CC2D2A: variants seen among roughly 807,000 people sequenced by gnomAD.
CC2D2A encodes the protein coiled-coil and C2 domain-containing protein 2A.
CC2D2A carries 155 observed loss-of-function variants against 212.9 expected under a neutral mutation model. The observed-to-expected ratio is 0.73, with a 90% confidence interval of 0.64 to 0.83. CC2D2A has a LOEUF of 0.83. CC2D2A is among the 40% of genes least tolerant of loss of function. CC2D2A has a pLI of 0.00. For missense variants in CC2D2A, 1,856 were observed against 1,956.2 expected (o/e 0.95, Z 0.97); for synonymous variants, 667 against 686.5 (o/e 0.97, Z 0.44).
intron 35 of CC2D2A, among the ~76,000 whole-genome samples, chr4:15,598,845 G>GT (rs1721444939): frequency 1.3e-5 from 2 of 152,122 alleles, no homozygotes; most frequent in Admixed American, 1.3e-4. Flanking sequence ...CTACCAATGA[G>GT]TATAGTCATA....
intron 22 of CC2D2A, among the ~76,000 whole-genome samples, 194 bp from the exon 23 acceptor site, chr4:15,560,337 A>C (rs1168151819): frequency 6.6e-6 from 1 of 152,168 alleles, no homozygotes; most frequent in Admixed American, 6.5e-5. Flanking sequence ...CCCTGACTTT[A>C]GGGAGCTTAC....
chr4:15,523,108 C>T lies in CC2D2A; in HGVS notation c.1150-4339C>T, dbSNP rs535519708. On this transcript the variant is annotated intron_variant, in intron 11 of 36. Coordinates refer to ENST00000424120, the MANE Select transcript of CC2D2A (RefSeq NM_001378615.1). Reference sequence around the variant, plus strand: ...TAACCTGGGTGACAAGAGCAAAACTCCATCTCAAAAAAAAAAAAAAAGTTG... The same window carrying T: ...TAACCTGGGTGACAAGAGCAAAACTTCATCTCAAAAAAAAAAAAAAAGTTG... 2.7e-5 allele frequency among the ~76,000 whole-genome samples: 4 copies of T among 147,182 alleles called. No homozygotes were observed. In the South Asian group the frequency reaches 8.6e-4, roughly 32 times the overall value.
rs1314498461 is a variant in CC2D2A at position 15,567,730 on chromosome 4, G to A, written c.3342G>A (p.Thr1114=). The A allele has an allele frequency of 3.7e-6, 6 of 1,605,282 alleles. No individual in the cohort carries two copies. Among genetic ancestry groups the A allele is most frequent in the Middle Eastern group, 1.6e-4 (1 of 6,062 alleles). ...EVSFQRTVCH[T]TTAEGPNPSW... ...CTTTTCAACGAACAGTTTGCCATAC[G>A]ACTACGGCTGAAGGACCAAACCCTA... Residue 1114 remains threonine (T), a synonymous_variant, in exon 26 of 37, where the codon ACG becomes ACA. Coordinates refer to ENST00000424120, the MANE Select transcript of CC2D2A (RefSeq NM_001378615.1).
chr4:15,520,504 A>T (rs922567935), intron 11 of CC2D2A, among the ~76,000 whole-genome samples: 2 of 152,250 alleles, frequency 1.3e-5, no homozygotes, highest in African/African-American at 4.8e-5. Flanking sequence ...ATTGTGGGTT[A>T]AAGTTAGAAA....
chr4:15,593,112 T>C (rs1251143264), intron 33 of CC2D2A, among the ~76,000 whole-genome samples: 1 of 152,234 alleles, frequency 6.6e-6, no homozygotes, highest in Admixed American at 6.5e-5. Context: ...GATACACGGA[T>C]ACCTGATTAA....
At chr4:15,517,992 C>T (rs1472383365) in intron 11 of CC2D2A, among the ~76,000 whole-genome samples, 1 of 152,132 alleles carries the variant, frequency 6.6e-6, no homozygotes, top group Admixed American at 6.5e-5. Flanking sequence ...CCCCATAATT[C>T]AATCACCTCC....
At chr4:15,547,922 C>T (rs1718794173) in intron 17 of CC2D2A, among the ~76,000 whole-genome samples, 1 of 151,854 alleles carries the variant, frequency 6.6e-6, no homozygotes, top group Admixed American at 6.6e-5. Flanking sequence ...GCCTGTAATC[C>T]CAGCTACTCA....
chr4:15,557,867 C>A (rs1166602100), intron 21 of CC2D2A, among the ~76,000 whole-genome samples: 1 of 152,158 alleles, frequency 6.6e-6, no homozygotes, highest in Non-Finnish European at 1.5e-5. Flanking sequence ...GAATTCAATT[C>A]CATTTTAATG....
At chr4:15,527,256 A>G (rs1244383729) in intron 11 of CC2D2A, among the ~76,000 whole-genome samples, 191 bp from the exon 12 acceptor site, 2 of 152,204 alleles carry the variant, frequency 1.3e-5, no homozygotes, top group Non-Finnish European at 2.9e-5. Flanking sequence ...CCAGTCTTTC[A>G]TTTTGCTGTT....
At chr4:15,600,541 C>G (rs1721542142) in intron 36 of CC2D2A, among the ~76,000 whole-genome samples, 1 of 152,094 alleles carries the variant, frequency 6.6e-6, no homozygotes, top group African/African-American at 2.4e-5. Context: ...ACAAGTTTCC[C>G]AAGATTCCCT....
chr4:15,575,379 A>G (rs1271145191), intron 29 of CC2D2A, among the ~76,000 whole-genome samples: 2 of 152,216 alleles, frequency 1.3e-5, no homozygotes, highest in African/African-American at 4.8e-5. Context: ...GCATATATTT[A>G]CTGCACATCT....
intron 11 of CC2D2A, among the ~76,000 whole-genome samples, chr4:15,520,586 T>C (rs16892107): frequency 0.17 from 25,189 of 152,160 alleles, 2,430 homozygotes; most frequent in East Asian, 0.35. Context: ...CTTTTGAAAT[T>C]CTAAACTAAT....
At chr4:15,515,393 A>G (rs767684617) in intron 9 of CC2D2A, among the ~76,000 whole-genome samples, 8 of 152,248 alleles carry the variant, frequency 5.3e-5, no homozygotes, top group Non-Finnish European at 1.0e-4. Context: ...CCGTGAATGA[A>G]TAAATGAGGT....
intron 11 of CC2D2A, among the ~76,000 whole-genome samples, chr4:15,521,731 C>T (rs1004666849): frequency 2.6e-5 from 4 of 152,192 alleles, no homozygotes; most frequent in African/African-American, 7.2e-5. Flanking sequence ...TCAATAAAAG[C>T]GCAAATTGAA....
intron 2 of CC2D2A, among the ~76,000 whole-genome samples, chr4:15,476,218 TG>T (rs1163877093): frequency 6.6e-6 from 1 of 152,226 alleles, no homozygotes. Context: ...ATCTATGGAC[TG>T]AAGATGGAAG....
rs67224550 is a variant in CC2D2A at position 15,560,719 on chromosome 4, C to T, written c.3014+97C>T. The T allele has an allele frequency of 0.14, 83,940 of 593,748 alleles. 6,414 individuals are homozygous for T. Among genetic ancestry groups the T allele is most frequent in the Non-Finnish European group, 0.15 (52,082 of 341,916 alleles). The allele number at this position is 593,748 out of a possible 1,614,324, so 36.8% of individuals were successfully genotyped here. On this transcript the variant is annotated intron_variant, in intron 23 of 36. Coordinates refer to ENST00000424120, the MANE Select transcript of CC2D2A (RefSeq NM_001378615.1). Reference sequence around the variant, plus strand: ...ATCATATAAGATTTTTAAAAATCATCGTATGGTATGCATTTGGGCCAGGAA... The same window carrying T: ...ATCATATAAGATTTTTAAAAATCATTGTATGGTATGCATTTGGGCCAGGAA...
At chr4:15,576,284 G>T (rs750994467) in intron 29 of CC2D2A, 24 of 550,420 alleles carry the variant, frequency 4.4e-5, no homozygotes, top group Non-Finnish European at 5.1e-5. Flanking sequence ...TGATTCACTT[G>T]CAGACAATTC....
intron 17 of CC2D2A, among the ~76,000 whole-genome samples, chr4:15,541,288 C>T (rs1325289617): frequency 3.9e-5 from 6 of 151,972 alleles, no homozygotes; most frequent in Non-Finnish European, 1.5e-5. Flanking sequence ...CACTGTACTC[C>T]AGCCTAGGCG....
At chr4:15,584,144 A>T (rs1467326708) in intron 30 of CC2D2A, among the ~76,000 whole-genome samples, 2 of 147,366 alleles carry the variant, frequency 1.4e-5, no homozygotes, top group African/African-American at 4.9e-5. Context: ...ACAGAAATAG[A>T]AAAAAAAAAT....
Sources: gnomAD v4.1 joint callset for allele counts (sites outside exome capture counted in the v4.1 genomes callset) on GRCh38, gnomAD v4.1.1 for gene constraint, MANE v1.5 for transcripts, NCBI Gene and HGNC (gene_info 2026-07-23, HGNC 2026-07-21) for gene names.